Variants in TTC7B observed in about 807,000 individuals in gnomAD.
TTC7B encodes the protein tetratricopeptide repeat protein 7B.
Under a neutral mutation model 106.8 loss-of-function variants are expected in TTC7B, and 28 were observed. The observed-to-expected ratio is 0.26, with a 90% CI of 0.19 to 0.36. The LOEUF is 0.36. TTC7B is among the 10% of genes least tolerant of loss of function. The pLI is 1.00. For synonymous variants in TTC7B, 405 were observed against 430.6 expected (o/e 0.94, Z 0.74); for missense variants, 862 against 1,076.4 (o/e 0.80, Z 2.79).
At chr14:90,586,112 G>A (rs929775603) in intron 18 of TTC7B, among the ~76,000 whole-genome samples, 1 of 152,180 alleles carries the variant, frequency 6.6e-6, no homozygotes, top group African/African-American at 2.4e-5. Flanking sequence ...GTGTGTGGCG[G>A]GGCCAGGGTT....
intron 5 of TTC7B, among the ~76,000 whole-genome samples, chr14:90,704,014 A>G (rs1888106561): frequency 6.6e-6 from 1 of 152,192 alleles, no homozygotes. Context: ...GGCAAGGGGA[A>G]CAAGTACCAG....
intron 10 of TTC7B, 45 bp downstream of exon 10, chr14:90,658,259 T>G: frequency 6.5e-7 from 1 of 1,530,226 alleles, no homozygotes; most frequent in Non-Finnish European, 9.1e-7. Flanking sequence ...TCTTTGGCCT[T>G]AATAGGAAAG....
intron 17 of TTC7B, chr14:90,603,350 A>T: frequency 8.1e-7 from 1 of 1,241,230 alleles, no homozygotes; most frequent in Non-Finnish European, 1.1e-6. Flanking sequence ...GAAACAAAAC[A>T]TTTGAAAAAT....
intron 1 of TTC7B, among the ~76,000 whole-genome samples, chr14:90,801,051 C>G (rs2030233353): frequency 6.7e-6 from 1 of 148,928 alleles, no homozygotes; most frequent in South Asian, 2.2e-4. Context: ...ATAGTGAGAC[C>G]TTGTCTCTAT....
chr14:90,545,203 C>G (rs1889775737), intron 19 of TTC7B, among the ~76,000 whole-genome samples: 1 of 152,132 alleles, frequency 6.6e-6, no homozygotes, highest in African/African-American at 2.4e-5. Context: ...TTGCCTCTGT[C>G]GCTTTAAGAG....
chr14:90,653,410 C>G (rs1022087105), intron 12 of TTC7B, among the ~76,000 whole-genome samples: 1 of 152,134 alleles, frequency 6.6e-6, no homozygotes, highest in Non-Finnish European at 1.5e-5. Context: ...TCACACTGGG[C>G]AATGGCCAGG....
At position 90,802,787 on chromosome 14, in the gene TTC7B, C is replaced by G. The variant is rs769292982; in HGVS notation, c.121+13388G>C. 1.3e-5 allele frequency among the ~76,000 whole-genome samples: 2 copies of G among 152,034 alleles called. No individual in the cohort carries two copies. Among genetic ancestry groups the G allele is most frequent in the African/African-American group, 2.4e-5 (1 of 41,410 alleles). On this transcript the variant is annotated intron_variant, in intron 1 of 19. Coordinates refer to ENST00000328459, the MANE Select transcript of TTC7B (RefSeq NM_001010854.2). This position sits in a 1 kb window ranked among gnomAD's most constrained non-coding sequence, Gnocchi z 4.7. The stretch of plus-strand genomic sequence containing the variant: ...TGGAGAGGCAGAGAGCCGGGTGTAA[C>G]AGGGCAGGGACACTGTCAAGCAGCG...
In TTC7B at chr14:90,652,908, G is replaced by T; in HGVS notation, c.1460-10C>A. ...ATCCCTCGCAAAGAAGCTAAGAAAAGGGTTCAATTAGTCAGTGGCATGGGG... is the reference window on the plus strand; with the variant it reads ...ATCCCTCGCAAAGAAGCTAAGAAAATGGTTCAATTAGTCAGTGGCATGGGG... On this transcript the variant is annotated splice_polypyrimidine_tract_variant and intron_variant, in intron 12 of 19. Coordinates refer to ENST00000328459, the MANE Select transcript of TTC7B (RefSeq NM_001010854.2). 5.0e-6 allele frequency: 8 copies of T among 1,614,168 alleles called. No homozygotes were observed. The highest frequency in any genetic ancestry group is 6.8e-6 in the Non-Finnish European group (8 of 1,180,030).
chr14:90,699,881 C>T (rs983926510), intron 5 of TTC7B, among the ~76,000 whole-genome samples: 4 of 152,184 alleles, frequency 2.6e-5, no homozygotes, highest in African/African-American at 9.7e-5. Flanking sequence ...CACATCCCCA[C>T]AAAAATGTAA....
At chr14:90,579,127 G>T (rs1891380822) in intron 18 of TTC7B, among the ~76,000 whole-genome samples, 1 of 152,178 alleles carries the variant, frequency 6.6e-6, no homozygotes, top group African/African-American at 2.4e-5. Flanking sequence ...CGTGTCAACT[G>T]GCCCCGAGGG....
chr14:90,679,386 C>A (rs1208940797), intron 8 of TTC7B, among the ~76,000 whole-genome samples: 1 of 152,214 alleles, frequency 6.6e-6, no homozygotes, highest in Non-Finnish European at 1.5e-5. Flanking sequence ...TGTCTATACT[C>A]ACCTGAGTCC....
intron 16 of TTC7B, among the ~76,000 whole-genome samples, chr14:90,612,705 G>A (rs1892923701): frequency 1.3e-5 from 2 of 152,182 alleles, no homozygotes; most frequent in South Asian, 4.1e-4. Context: ...AACTGTGTGA[G>A]GATGACATAA....
At chr14:90,640,861 C>T (rs1178636514) in intron 15 of TTC7B, among the ~76,000 whole-genome samples, 2 of 152,208 alleles carry the variant, frequency 1.3e-5, no homozygotes, top group African/African-American at 4.8e-5. Flanking sequence ...TGCTCAAGGT[C>T]ACACAACTTA....
intron 1 of TTC7B, among the ~76,000 whole-genome samples, chr14:90,791,796 A>C (rs1891595327): frequency 6.6e-6 from 1 of 152,080 alleles, no homozygotes; most frequent in African/African-American, 2.4e-5. Flanking sequence ...AGCGCCACAC[A>C]AGGCTTGCTA....
In TTC7B at chr14:90,789,799, G is replaced by C. The variant is rs1427765050; in HGVS notation, c.122-3471C>G. On this transcript the variant is annotated intron_variant, in intron 1 of 19. Coordinates refer to ENST00000328459, the MANE Select transcript of TTC7B (RefSeq NM_001010854.2). ...TAGTCCCAGCTAGTCGGGAGGCTGA[G>C]GCAGGAGAATGGCGTGAACCTGGGG... Among the ~76,000 whole-genome samples, 3 of 151,982 alleles carry C rather than the reference G, an allele frequency of 2.0e-5. No homozygotes were observed. The East Asian group carries it at 5.8e-4, about 30-fold the overall frequency.
At chr14:90,799,977 C>A (rs1286332) in intron 1 of TTC7B, among the ~76,000 whole-genome samples, 99,506 of 151,706 alleles carry the variant, frequency 0.66, 34,392 homozygotes, top group Non-Finnish European at 0.76. Context: ...CTACTACAGG[C>A]GCCCGCCACC....
chr14:90,816,179 G>C lies in TTC7B; in HGVS notation c.117C>G (p.Ala39=). The C allele has an allele frequency of 8.0e-7, 1 of 1,247,664 alleles. No homozygotes were observed. The highest frequency in any genetic ancestry group is 1.3e-5 in the South Asian group (1 of 75,516). The allele number at this position is 1,247,664 out of a possible 1,614,324, so 77.3% of individuals were successfully genotyped here. A position where few individuals can be genotyped will look rare whatever the true frequency, so the allele number is the denominator to read the frequency against. ...GCCGGCGCGCCCGGAGCGTACCGTT[G>C]GCGATGAGCTTGGCCGACAGCTGCT... The part of the protein sequence containing the change: ...LVKQLSAKLI[A]NDDMAELLLG... The change falls in exon 1 of 20, where the codon GCC becomes GCG. Residue 39 remains alanine, a synonymous_variant. Transcript: ENST00000328459.
chr14:90,592,294 T>C (rs1273877948), intron 18 of TTC7B, among the ~76,000 whole-genome samples: 1 of 152,206 alleles, frequency 6.6e-6, no homozygotes. Context: ...GGTAGGGCTA[T>C]ACAGATGAAG....
In TTC7B at chr14:90,541,279, G is replaced by T; in HGVS notation, c.*89C>A. 1.6e-6 allele frequency: 2 copies of T among 1,276,728 alleles called. No individual in the cohort carries two copies. Among genetic ancestry groups the T allele is most frequent in the Non-Finnish European group, 2.1e-6 (2 of 935,008 alleles). 79.1% of individuals were successfully genotyped at this position (1,276,728 alleles called of 1,614,324 possible). On this transcript the variant is annotated 3_prime_UTR_variant, in exon 20 of 20. Coordinates refer to ENST00000328459, the MANE Select transcript of TTC7B (RefSeq NM_001010854.2). ...ACTCGTCCCTGGCCTCAGTGTGGCA[G>T]ATTCATCCCCTTGGGGCGATGGCAC...
Sources: allele counts gnomAD v4.1 joint callset (sites outside exome capture counted in the v4.1 genomes callset), GRCh38; gene constraint gnomAD v4.1.1; non-coding constraint Gnocchi (gnomAD v3.1); transcripts MANE v1.5; gene names NCBI Gene and HGNC (gene_info 2026-07-23, HGNC 2026-07-21).